The following GLT1D1 variants were observed in gnomAD, a reference collection of about 807,000 sequenced individuals.
GLT1D1 encodes the protein glycosyltransferase 1 domain containing 1.
In GLT1D1, 21 loss-of-function variants were observed where a neutral mutation model predicts 28.7. That is an observed-to-expected ratio of 0.73 (90% CI 0.52 to 1.05). The LOEUF (loss-of-function observed/expected upper bound fraction) is 1.05, where lower values mean the gene tolerates loss of function less well. Ranked by LOEUF, GLT1D1 falls within the 50% of genes least tolerant of loss-of-function variation. The probability of loss-of-function intolerance (pLI) is 0.00; values close to 1 mark genes in which losing one functional copy is unlikely to be tolerated. For missense variants in GLT1D1, 343 were observed against 330.6 expected (o/e 1.04, Z -0.29); for synonymous variants, 147 against 124.8 (o/e 1.18, Z -1.19).
At chr12:128,866,761 C>A (rs1230859986) in intron 1 of GLT1D1, among the ~76,000 whole-genome samples, 1 of 152,028 alleles carries the variant, frequency 6.6e-6, no homozygotes, top group Non-Finnish European at 1.5e-5. Context: ...GCAGAAATTA[C>A]AGGCGTGCGC....
chr12:128,917,065 T>C (rs566333555), intron 4 of GLT1D1, among the ~76,000 whole-genome samples: 2 of 152,276 alleles, frequency 1.3e-5, no homozygotes, highest in Non-Finnish European at 2.9e-5. Context: ...TTCTTAACAA[T>C]ATCCAGATGG....
intron 4 of GLT1D1, among the ~76,000 whole-genome samples, chr12:128,922,692 G>C (rs1872764812): frequency 6.6e-6 from 1 of 152,140 alleles, no homozygotes; most frequent in Admixed American, 6.5e-5. Context: ...GGAGGATGAA[G>C]CCAGTGGATC....
intron 4 of GLT1D1, among the ~76,000 whole-genome samples, chr12:128,905,982 G>T (rs1237092789): frequency 1.3e-5 from 2 of 151,148 alleles, no homozygotes; most frequent in South Asian, 2.1e-4. Flanking sequence ...ACAGGCCCAT[G>T]CCACCACACC....
chr12:128,931,220 C>T (rs1248431518), intron 4 of GLT1D1, among the ~76,000 whole-genome samples: 3 of 151,984 alleles, frequency 2.0e-5, no homozygotes, highest in African/African-American at 7.2e-5. Flanking sequence ...CCAGGATGGT[C>T]TCAATCTCCT....
intron 4 of GLT1D1, 102 bp downstream of exon 6, chr12:128,915,091 G>T: frequency 1.1e-6 from 1 of 894,990 alleles, no homozygotes; most frequent in Non-Finnish European, 1.7e-6. Flanking sequence ...GTGGTTGTCA[G>T]AGAGAACAAG....
At chr12:128,949,817 C>T (rs957356010) in intron 6 of GLT1D1, among the ~76,000 whole-genome samples, 71 of 151,874 alleles carry the variant, frequency 4.7e-4, no homozygotes, top group Non-Finnish European at 3.1e-4. Context: ...CATGCATGCA[C>T]ACACATGTAC....
At chr12:128,866,435 T>G (rs1956521075) in intron 1 of GLT1D1, among the ~76,000 whole-genome samples, 1 of 151,842 alleles carries the variant, frequency 6.6e-6, no homozygotes, top group African/African-American at 2.4e-5. Context: ...AAATATACAG[T>G]ATGTTATTAT....
At chr12:128,934,198 CTTTT>C (rs1228657723) in intron 4 of GLT1D1, among the ~76,000 whole-genome samples, 1 of 73,414 alleles carries the variant, frequency 1.4e-5, no homozygotes, top group Non-Finnish European at 2.9e-5. Context: ...AAGAGACAGT[CTTTT>C]TTTTTTTTTT....
At chr12:128,858,410 G>C (rs922915522) in intron 1 of GLT1D1, among the ~76,000 whole-genome samples, 1 of 152,188 alleles carries the variant, frequency 6.6e-6, no homozygotes, top group Admixed American at 6.5e-5. Flanking sequence ...GGTGGCTCAC[G>C]TCTGTAATCA....
At chr12:128,882,368 C>A (rs1174501804) in intron 2 of GLT1D1, among the ~76,000 whole-genome samples, 1 of 151,392 alleles carries the variant, frequency 6.6e-6, no homozygotes, top group Non-Finnish European at 1.5e-5. Context: ...CCTCCACCTC[C>A]CGGGTTCAAG....
At chr12:128,915,066 T>C (rs1871965678) in intron 4 of GLT1D1, 77 bp downstream of exon 6, 5 of 1,206,446 alleles carry the variant, frequency 4.1e-6, no homozygotes, top group Non-Finnish European at 5.8e-6. Flanking sequence ...GTGACGTTCA[T>C]GCGGTTTTGA....
At chr12:128,921,708 A>C (rs750418024) in intron 4 of GLT1D1, among the ~76,000 whole-genome samples, 1 of 152,040 alleles carries the variant, frequency 6.6e-6, no homozygotes, top group Non-Finnish European at 1.5e-5. Flanking sequence ...CCAAAATGCC[A>C]ATGCGTCTTC....
chr12:128,926,230 A>AATAAG lies in GLT1D1; in HGVS notation c.376-19092_376-19091insGATAA, dbSNP rs1378895527. On this transcript the variant is annotated intron_variant, in intron 4 of 7. Transcript: ENST00000281703. ...TAATAATAATAATAATAATAATAAT[A>AATAAG]ATAATAAGAGTAGGAGAAGCTGGCC... 615 of 244,840 alleles carry AATAAG rather than the reference A, an allele frequency of 2.5e-3. 8 individuals are homozygous for AATAAG. Among genetic ancestry groups the AATAAG allele is most frequent in the African/African-American group, 0.013 (550 of 42,402 alleles). The allele number at this position is 244,840 out of a possible 1,614,324, so 15.2% of individuals were successfully genotyped here. A position where few individuals can be genotyped will look rare whatever the true frequency, so the allele number is the denominator to read the frequency against.
chr12:128,869,973 C>T (rs191627726), intron 1 of GLT1D1, among the ~76,000 whole-genome samples: 4 of 142,870 alleles, frequency 2.8e-5, no homozygotes, highest in African/African-American at 1.1e-4. Context: ...GAGTCTTGCT[C>T]TGTCATGGCT....
chr12:128,966,855 T>C (rs470475), intron 7 of GLT1D1, among the ~76,000 whole-genome samples: 8,835 of 152,238 alleles, frequency 0.058, 840 homozygotes, highest in African/African-American at 0.2. Flanking sequence ...ATAATCTCTA[T>C]TTCTATATAC....
At chr12:128,953,682 G>C (rs543787584) in intron 6 of GLT1D1, among the ~76,000 whole-genome samples, 5 of 151,948 alleles carry the variant, frequency 3.3e-5, no homozygotes, top group Non-Finnish European at 7.4e-5. Context: ...GAGTGAGGAA[G>C]GGGCCAGATT....
chr12:128,980,242 G>A (rs572896039), intron 7 of GLT1D1, among the ~76,000 whole-genome samples: 5 of 152,308 alleles, frequency 3.3e-5, no homozygotes, highest in Non-Finnish European at 5.9e-5. Flanking sequence ...GGTCAGCCCA[G>A]GGTGTGTCTG....
intron 3 of GLT1D1, among the ~76,000 whole-genome samples, chr12:128,896,300 G>A (rs1228935489): frequency 6.6e-6 from 1 of 152,046 alleles, no homozygotes; most frequent in Non-Finnish European, 1.5e-5. Context: ...TCTACAGGAA[G>A]TCTTGAAAGA....
chr12:128,899,568 G>C (rs1422096474), intron 4 of GLT1D1, among the ~76,000 whole-genome samples: 1 of 70,736 alleles, frequency 1.4e-5, no homozygotes, highest in African/African-American at 5.6e-5. Flanking sequence ...TTTTTTTTTT[G>C]AGACGGAGTC....
Sources: gnomAD v4.1 joint callset for allele counts (sites outside exome capture counted in the v4.1 genomes callset) on GRCh38, gnomAD v4.1.1 for gene constraint, MANE v1.5 for transcripts, NCBI Gene and HGNC (gene_info 2026-07-23, HGNC 2026-07-21) for gene names.